The following NPRL3 variants were observed in gnomAD, a reference collection of about 807,000 sequenced individuals.
NPRL3 encodes GATOR1 complex protein NPRL3.
NPRL3 carries 23 observed loss-of-function variants against 57.2 expected under a neutral mutation model. That is an observed-to-expected ratio of 0.40 (90% confidence interval 0.29 to 0.57). The LOEUF (loss-of-function observed/expected upper bound fraction) is 0.57, where lower values mean the gene tolerates loss of function less well. Among genes scored for constraint, NPRL3 ranks in the 20% least tolerant of loss-of-function variants. The pLI, the probability that NPRL3 is intolerant of heterozygous loss-of-function variation, is 0.42. For missense variants in NPRL3, 691 were observed against 767.1 expected (o/e 0.90, Z 1.17); for synonymous variants, 333 against 321.1 (o/e 1.04, Z -0.39).
intron 13 of NPRL3, among the ~76,000 whole-genome samples, chr16:87,456 C>T (rs566774598): frequency 1.5e-4 from 23 of 151,910 alleles, no homozygotes; most frequent in African/African-American, 5.6e-4. Context: ...AGGCTGGTCT[C>T]GAACTCCTGA....
intron 11 of NPRL3, chr16:90,870 A>G (rs2141904399): frequency 6.6e-6 from 1 of 152,380 alleles, no homozygotes; most frequent in South Asian, 2.1e-4. Context: ...ACTTGAGCTC[A>G]GGAGTTCGAG....
At chr16:107,166 C>G (rs1899567699) in intron 7 of NPRL3, among the ~76,000 whole-genome samples, 1 of 152,114 alleles carries the variant, frequency 6.6e-6, no homozygotes, top group African/African-American at 2.4e-5. Context: ...GCTTAGGAGC[C>G]TTTTTCAGCA....
chr16:100,752 G>A (rs1023408637), intron 7 of NPRL3, among the ~76,000 whole-genome samples: 3 of 127,536 alleles, frequency 2.4e-5, no homozygotes, highest in African/African-American at 6.3e-5. Flanking sequence ...GGCGGATCAC[G>A]AGGTCAGCAG....
At chr16:127,857 T>C (rs991936688) in intron 3 of NPRL3, among the ~76,000 whole-genome samples, 11 of 151,436 alleles carry the variant, frequency 7.3e-5, no homozygotes, top group African/African-American at 2.2e-4. Flanking sequence ...GGTTTCACCG[T>C]GTTAGCCAGG....
At position 93,230 on chromosome 16, in the gene NPRL3, G is replaced by T; in HGVS notation, c.1020C>A (p.Ala340=). ...ENNVYMLSPN[A]SVCLYSPLAE... ...CCAGCAGCACTCACAGACATACGCT[G>T]GCATTGGGAGACAGCATGTAGACGT... The change falls in exon 10 of 14, where the codon GCC becomes GCA. Residue 340 remains alanine, a synonymous_variant. Coordinates refer to ENST00000611875, the MANE Select transcript of NPRL3 (RefSeq NM_001077350.3). 1 of 1,553,220 alleles carries T rather than the reference G, an allele frequency of 6.4e-7. No homozygotes were observed. Among genetic ancestry groups the T allele is most frequent in the Non-Finnish European group, 8.7e-7 (1 of 1,147,216 alleles).
intron 11 of NPRL3, chr16:90,139 C>T (rs775304227): frequency 2.5e-4 from 127 of 498,946 alleles, no homozygotes; most frequent in Non-Finnish European, 3.9e-4. Flanking sequence ...TGCACAGGCT[C>T]CCACCACACA....
intron 7 of NPRL3, among the ~76,000 whole-genome samples, chr16:101,257 C>T (rs1404402356): frequency 6.6e-6 from 1 of 152,162 alleles, no homozygotes; most frequent in African/African-American, 2.4e-5. Flanking sequence ...GTGGCTGTCT[C>T]AGAGGGCGAG....
chr16:93,561 A>G (rs1054821506), intron 9 of NPRL3, among the ~76,000 whole-genome samples: 2 of 149,118 alleles, frequency 1.3e-5, no homozygotes, highest in African/African-American at 2.5e-5. Flanking sequence ...TCTGTGAGCA[A>G]TGGTTTTTTT....
chr16:108,011 C>G (rs1220098376), intron 7 of NPRL3, among the ~76,000 whole-genome samples: 1 of 152,186 alleles, frequency 6.6e-6, no homozygotes, highest in Non-Finnish European at 1.5e-5. Context: ...GAATCAAAGA[C>G]AGGGTCAGAC....
Position 130,583 on chromosome 16 carries a change from G to A in NPRL3, c.127C>T (p.Arg43Cys), listed in dbSNP as rs770318147. 1.7e-5 allele frequency: 26 copies of A among 1,554,328 alleles called. No homozygotes were observed. The highest frequency in any genetic ancestry group is 3.9e-5 in the Admixed American group (2 of 51,346). ...GTGTTGCTGGCAGCGTATCTGCTAC[G>A]CGGCTTACCTGAGTCGGGGCGAAAA... ...EHPASQTSKP[R>C]SRYAASNTGD... The change falls in exon 3 of 14, where the codon CGT becomes TGT. Residue 43 changes from arginine to cysteine, a missense_variant. Transcript: ENST00000611875.
At chr16:90,135 G>A (rs1898701761) in intron 11 of NPRL3, 1 of 506,440 alleles carries the variant, frequency 2.0e-6, no homozygotes, top group East Asian at 3.7e-5. Context: ...CACCTGCACA[G>A]GCTCCCACCA....
At chr16:137,811 C>A (rs1446528151) in intron 2 of NPRL3, among the ~76,000 whole-genome samples, 1 of 151,908 alleles carries the variant, frequency 6.6e-6, no homozygotes, top group Non-Finnish European at 1.5e-5. Context: ...GTGATCCACC[C>A]GCCTCGGCCT....
chr16:128,418 T>G (rs1352069710), intron 3 of NPRL3, among the ~76,000 whole-genome samples: 1 of 152,220 alleles, frequency 6.6e-6, no homozygotes, highest in Non-Finnish European at 1.5e-5. Context: ...TAATACTGTT[T>G]CAGTCTGGTA....
chr16:89,950 C>G (rs1898694100), intron 11 of NPRL3, 48 bp from the exon 12 acceptor site: 1 of 1,502,620 alleles, frequency 6.7e-7, no homozygotes, highest in African/African-American at 1.4e-5. Context: ...ACTCCAACTT[C>G]CTCCTGGGTG....
rs76237546 is a variant in NPRL3, at chr16:117,520, G to A, written c.319-145C>T. 3,637 of 615,638 alleles carry A rather than the reference G, an allele frequency of 5.9e-3. 16 individuals carry two copies. The highest frequency in any genetic ancestry group is 8.5e-3 in the Non-Finnish European group (2,986 of 352,040). 38.1% of individuals were successfully genotyped at this position (615,638 alleles called of 1,614,324 possible). ...CAATGAATGCCTTTGCTCTGGAGGC[G>A]TGCCTACTGCATGGGCAAAGTCACA... On this transcript the variant is annotated intron_variant, in intron 4 of 13. Transcript: ENST00000611875.
chr16:95,348 T>TACACACAC (rs769252741), intron 9 of NPRL3, among the ~76,000 whole-genome samples: 37 of 45,016 alleles, frequency 8.2e-4, no homozygotes, highest in Admixed American at 1.8e-3. Flanking sequence ...TATATATATA[T>TACACACAC]ATACACACAC....
At chr16:130,975 T>A (rs531629869) in intron 2 of NPRL3, among the ~76,000 whole-genome samples, 2 of 152,354 alleles carry the variant, frequency 1.3e-5, no homozygotes, top group African/African-American at 4.8e-5. Flanking sequence ...CACACTATAA[T>A]GAATGTAATT....
chr16:130,940 T>C (rs1391586462), intron 2 of NPRL3, among the ~76,000 whole-genome samples: 1 of 152,244 alleles, frequency 6.6e-6, no homozygotes, highest in East Asian at 1.9e-4. Flanking sequence ...GAAAAAGCTT[T>C]AGAAACAGAT....
intron 3 of NPRL3, among the ~76,000 whole-genome samples, chr16:121,021 A>C (rs189180194): frequency 5.2e-4 from 79 of 152,274 alleles, no homozygotes; most frequent in African/African-American, 1.9e-3. Context: ...ACAGAAAAAT[A>C]ACCACCACCA....
Sources: allele counts gnomAD v4.1 joint callset (sites outside exome capture counted in the v4.1 genomes callset), GRCh38; gene constraint gnomAD v4.1.1; transcripts MANE v1.5; gene names NCBI Gene and HGNC (gene_info 2026-07-23, HGNC 2026-07-21).